PDE10A: variants seen among roughly 807,000 people sequenced by gnomAD.
PDE10A encodes phosphodiesterase 10A, also known as cAMP and cAMP-inhibited cGMP 3',5'-cyclic phosphodiesterase 10A.
In PDE10A, 39 loss-of-function variants were observed where a neutral mutation model predicts 97.7. The ratio of observed to expected loss-of-function variants is 0.40; its 90% CI spans 0.31 to 0.52. PDE10A has a LOEUF of 0.52. Ranked by LOEUF, PDE10A falls within the 20% of genes least tolerant of loss-of-function variation. The pLI is 0.56. For missense variants in PDE10A, 731 were observed against 1,047.8 expected, an observed-to-expected ratio of 0.70 and a Z score of 4.17; for synonymous variants, 371 against 376.8, an observed-to-expected ratio of 0.98 and a Z score of 0.18.
intron 1 of PDE10A, among the ~76,000 whole-genome samples, chr6:165,932,096 CAG>C (rs888990235): frequency 2.0e-5 from 3 of 152,156 alleles, no homozygotes; most frequent in Admixed American, 6.5e-5. Flanking sequence ...CAGCTCCACA[CAG>C]GGGACGATAT....
intron 1 of PDE10A, among the ~76,000 whole-genome samples, chr6:165,744,620 A>G (rs375635725): frequency 1.3e-5 from 2 of 152,190 alleles, no homozygotes; most frequent in East Asian, 1.9e-4. Context: ...CTTAAGTTTG[A>G]ACTGAAAATT....
chr6:165,794,288 T>C (rs1272194428), intron 1 of PDE10A, among the ~76,000 whole-genome samples: 1 of 146,666 alleles, frequency 6.8e-6, no homozygotes, highest in Non-Finnish European at 1.5e-5. Flanking sequence ...ACTTATGCAC[T>C]CCCTCCCACA....
intron 1 of PDE10A, among the ~76,000 whole-genome samples, chr6:165,921,270 T>A (rs2128488414): frequency 6.6e-6 from 1 of 152,328 alleles, no homozygotes; most frequent in Non-Finnish European, 1.5e-5. Flanking sequence ...GGAATGTGCA[T>A]CTTAGATAGC....
chr6:165,641,634 G>A (rs1789139469), intron 1 of PDE10A, among the ~76,000 whole-genome samples: 1 of 152,202 alleles, frequency 6.6e-6, no homozygotes, highest in Non-Finnish European at 1.5e-5. Flanking sequence ...TATTTAGAGT[G>A]CCTTGGGGGC....
rs547770249 is a variant in PDE10A at position 165,636,557 on chromosome 6, G to A, written c.865+25390C>T. ...TTACAGGAAACCTCACATTCCAGAC[G>A]TTCCACAGGCTGAGGCCCCAACTGT... On this transcript the variant is annotated intron_variant, in intron 1 of 21. Transcript: ENST00000539869. 4.6e-5 allele frequency among the ~76,000 whole-genome samples: 7 copies of A among 152,258 alleles called. No individual in the cohort carries two copies. The East Asian group carries it at 5.8e-4, about 13-fold the overall frequency.
chr6:165,816,847 G>A (rs1779429532), intron 1 of PDE10A, among the ~76,000 whole-genome samples: 1 of 152,100 alleles, frequency 6.6e-6, no homozygotes, highest in Non-Finnish European at 1.5e-5. Context: ...TTCTGTTGGG[G>A]AAGTGCTGGG....
intron 1 of PDE10A, among the ~76,000 whole-genome samples, chr6:165,576,628 TCTC>T (rs1382975909): frequency 6.6e-6 from 1 of 152,102 alleles, no homozygotes; most frequent in African/African-American, 2.4e-5. Flanking sequence ...TTCTCCCTCT[TCTC>T]CTCCTTCACC....
intron 20 of PDE10A, among the ~76,000 whole-genome samples, chr6:165,337,514 T>G (rs1781721107): frequency 6.6e-6 from 1 of 152,238 alleles, no homozygotes; most frequent in Non-Finnish European, 1.5e-5. Flanking sequence ...TGCAGAGACT[T>G]TCTTATTCTA....
intron 18 of PDE10A, among the ~76,000 whole-genome samples, chr6:165,345,457 C>A (rs962255458): frequency 1.3e-5 from 2 of 152,186 alleles, no homozygotes; most frequent in Non-Finnish European, 2.9e-5. Context: ...AGTTAGATGG[C>A]CATGGCTATA....
intron 1 of PDE10A, among the ~76,000 whole-genome samples, chr6:165,569,834 T>C (rs1583560695): frequency 6.6e-6 from 1 of 152,316 alleles, no homozygotes; most frequent in South Asian, 2.1e-4. Flanking sequence ...CATATGTTCT[T>C]TGCTGTTAAG....
intron 13 of PDE10A, among the ~76,000 whole-genome samples, chr6:165,410,850 A>C (rs988194017): frequency 1.3e-5 from 2 of 149,264 alleles, no homozygotes; most frequent in African/African-American, 5.0e-5. Flanking sequence ...GCACTTTGGG[A>C]GGCCGAGGCG....
chr6:165,430,890 AAG>A (rs1789502839), intron 8 of PDE10A, among the ~76,000 whole-genome samples: 1 of 152,142 alleles, frequency 6.6e-6, no homozygotes, highest in Non-Finnish European at 1.5e-5. Context: ...AAAAAATAAA[AAG>A]AGAGAAGGAG....
Position 165,418,629 on chromosome 6 carries a change from C to T in PDE10A, c.1796+6G>A, listed in dbSNP as rs779959642. 6.2e-6 allele frequency: 10 copies of T among 1,611,146 alleles called. No individual in the cohort carries two copies. The highest frequency in any genetic ancestry group is 8.5e-6 in the Non-Finnish European group (10 of 1,179,546). On this transcript the variant is annotated splice_donor_region_variant and intron_variant, in intron 11 of 21. Transcript: ENST00000539869. The surrounding 1 kb of genome is among the most constrained non-coding windows in gnomAD (Gnocchi z 4.8). ...AGAGGATAGGACATTCTACTTCTAGCTGTACCTTATCTCTTTGGTCTTCTT... is the reference window on the plus strand; with the variant it reads ...AGAGGATAGGACATTCTACTTCTAGTTGTACCTTATCTCTTTGGTCTTCTT...
intron 3 of PDE10A, among the ~76,000 whole-genome samples, chr6:165,471,779 C>T (rs1176162861): frequency 1.3e-5 from 2 of 152,156 alleles, no homozygotes; most frequent in Non-Finnish European, 1.5e-5. Flanking sequence ...TTACCACCAG[C>T]CTGGTCCAAT....
At chr6:165,933,451 A>G (rs577525337) in intron 1 of PDE10A, among the ~76,000 whole-genome samples, 1 of 152,354 alleles carries the variant, frequency 6.6e-6, no homozygotes, top group Admixed American at 6.5e-5. Flanking sequence ...CTGAGGACAA[A>G]TGAACTCAAG....
At chr6:165,529,943 G>A (rs1782673247) in intron 2 of PDE10A, among the ~76,000 whole-genome samples, 1 of 152,142 alleles carries the variant, frequency 6.6e-6, no homozygotes, top group Admixed American at 6.5e-5. Context: ...AATCCTGGGT[G>A]TGTCTGTGAG....
intron 1 of PDE10A, among the ~76,000 whole-genome samples, chr6:165,633,002 A>G (rs1288469331): frequency 6.6e-6 from 1 of 152,032 alleles, no homozygotes; most frequent in East Asian, 1.9e-4. Flanking sequence ...CAGCAACTCA[A>G]TATGCTGGAA....
intron 18 of PDE10A, among the ~76,000 whole-genome samples, chr6:165,350,403 A>T (rs1477312569): frequency 6.6e-6 from 1 of 152,118 alleles, no homozygotes; most frequent in Admixed American, 6.5e-5. Flanking sequence ...GGAATGCTAT[A>T]TTTACCCAAT....
chr6:165,506,350 G>C (rs1781190849), intron 2 of PDE10A, among the ~76,000 whole-genome samples: 1 of 152,052 alleles, frequency 6.6e-6, no homozygotes, highest in Admixed American at 6.6e-5. Flanking sequence ...TGTAAGCAAT[G>C]TTGTGATAAA....
Sources: gnomAD v4.1 joint callset for allele counts (sites outside exome capture counted in the v4.1 genomes callset) on GRCh38, gnomAD v4.1.1 for gene constraint, Gnocchi (gnomAD v3.1) non-coding constraint, MANE v1.5 for transcripts, NCBI Gene and HGNC (gene_info 2026-07-23, HGNC 2026-07-21) for gene names.